MICAL3: variants seen among roughly 807,000 people sequenced by gnomAD.
MICAL3 encodes the protein [F-actin]-monooxygenase MICAL3.
Under a neutral mutation model 207.4 loss-of-function variants are expected in MICAL3, and 62 were observed. The observed-to-expected ratio is 0.30, with a 90% confidence interval of 0.24 to 0.37. The LOEUF is 0.37. Ranked by LOEUF, MICAL3 falls within the 10% of genes least tolerant of loss-of-function variation. The pLI, the probability that MICAL3 is intolerant of heterozygous loss-of-function variation, is 1.00. For synonymous variants in MICAL3, 1,077 were observed against 1,069.3 expected (o/e 1.01, Z -0.14); for missense variants, 2,368 against 2,635.6 (o/e 0.90, Z 2.22).
At chr22:17,920,195 G>A (rs1285968218) in intron 1 of MICAL3, among the ~76,000 whole-genome samples, 1 of 152,246 alleles carries the variant, frequency 6.6e-6, no homozygotes, top group African/African-American at 2.4e-5. Context: ...GAGTGGAATG[G>A]GGGTGGGACA....
intron 1 of MICAL3, among the ~76,000 whole-genome samples, chr22:17,947,280 C>G (rs939282754): frequency 2.0e-5 from 3 of 152,228 alleles, no homozygotes; most frequent in Admixed American, 1.3e-4. Context: ...CAGTGGGCCC[C>G]CCAGCATGGC....
At chr22:17,884,828 G>A (rs192434335) in intron 16 of MICAL3, among the ~76,000 whole-genome samples, 50 of 152,284 alleles carry the variant, frequency 3.3e-4, no homozygotes, top group African/African-American at 1.2e-3. Context: ...GTGAGCCATA[G>A]CATGAAAAGA....
rs747994390 is a variant in MICAL3 at position 17,822,054 on chromosome 22, C to T, written c.3424G>A (p.Ala1142Thr). 2.5e-5 allele frequency: 40 copies of T among 1,613,762 alleles called. No individual in the cohort carries two copies. In the East Asian group the frequency reaches 5.6e-4, roughly 22 times the overall value. ...RVSEDEEKLP[A>T]SPKHQERGPS... ...CCTCTCTCTTGGTGCTTCGGTGAGG[C>T]GGGCAGCTTCTCCTCATCTTCCGAC... Residue 1142 changes from alanine to threonine, a missense_variant, in exon 24 of 32, where the codon GCC (alanine) becomes ACC (threonine). Transcript: ENST00000441493.
At chr22:17,982,790 TAAAATA>T (rs1935986374) in intron 1 of MICAL3, among the ~76,000 whole-genome samples, 2 of 135,102 alleles carry the variant, frequency 1.5e-5, no homozygotes, top group African/African-American at 6.3e-5. Context: ...TAAAATAAAA[TAAAATA>T]AAAAAGTTTT....
intron 1 of MICAL3, among the ~76,000 whole-genome samples, chr22:17,959,515 A>G (rs556022178): frequency 6.6e-6 from 1 of 151,252 alleles, no homozygotes; most frequent in East Asian, 2.0e-4. Context: ...CGGTTTCACC[A>G]TGTTGGCCAG....
intron 1 of MICAL3, among the ~76,000 whole-genome samples, chr22:17,922,000 T>C (rs1932809735): frequency 6.6e-6 from 1 of 152,112 alleles, no homozygotes; most frequent in African/African-American, 2.4e-5. Context: ...CTTTTACGTG[T>C]TCCTCACCTC....
intron 1 of MICAL3, chr22:18,019,554 G>A (rs1296593448): frequency 6.6e-6 from 1 of 152,056 alleles, no homozygotes. Flanking sequence ...AATTAGCTGG[G>A]CATGGTGGCA....
intron 19 of MICAL3, among the ~76,000 whole-genome samples, chr22:17,858,162 G>A (rs563600750): frequency 3.3e-5 from 5 of 152,280 alleles, no homozygotes; most frequent in South Asian, 2.1e-4. Context: ...GTGTTTCTGC[G>A]TACAAGCCTA....
Position 17,866,761 on chromosome 22 carries a change from A to C in MICAL3, c.2429-749T>G, listed in dbSNP as rs181793549. 4.6e-3 allele frequency among the ~76,000 whole-genome samples: 702 copies of C among 152,354 alleles called. 6 individuals carry two copies. Among genetic ancestry groups the C allele is most frequent in the African/African-American group, 0.016 (676 of 41,566 alleles). On this transcript the variant is annotated intron_variant, in intron 17 of 31. Coordinates refer to ENST00000441493, the MANE Select transcript of MICAL3 (RefSeq NM_015241.3). ...AACTTGCAGCTGTGTCTGGGTCTCA[A>C]TGTAACGTGCATCCCCGTGGGGGGT...
rs558907587 is a variant in MICAL3, at chr22:17,929,977, G to GA, written c.-74-23092dup. Reference sequence around the variant, plus strand: ...GAAAAATTCTGTATAAACCAATACGGAAAAAAACAGACACCAAAGGAAAAA... The same window carrying GA: ...GAAAAATTCTGTATAAACCAATACGGAAAAAAAACAGACACCAAAGGAAAAA... On this transcript the variant is annotated intron_variant, in intron 1 of 31. Coordinates refer to ENST00000441493, the MANE Select transcript of MICAL3 (RefSeq NM_015241.3). Among the ~76,000 whole-genome samples, 3 of 152,222 alleles carry GA rather than the reference G, an allele frequency of 2.0e-5. No individual in the cohort carries two copies. The East Asian group carries it at 5.8e-4, about 29-fold the overall frequency.
At chr22:18,005,266 C>A (rs925137682) in intron 1 of MICAL3, 1 of 152,134 alleles carries the variant, frequency 6.6e-6, no homozygotes, top group Non-Finnish European at 1.5e-5. Flanking sequence ...ACATTTATTT[C>A]TATACCTATA....
At chr22:17,881,327 A>T in intron 16 of MICAL3, 1 of 1,571,658 alleles carries the variant, frequency 6.4e-7, no homozygotes, top group Non-Finnish European at 8.7e-7. Flanking sequence ...AGACACAAAC[A>T]GAGAGAACAT....
At chr22:17,871,816 C>G (rs201173739) in intron 17 of MICAL3, 21 bp downstream of exon 17, 2 of 1,581,136 alleles carry the variant, frequency 1.3e-6, no homozygotes, top group South Asian at 2.3e-5. Context: ...TCAGTGGGGC[C>G]GGAGGCGCAG....
At chr22:17,807,457 T>C (rs2062000239) in intron 29 of MICAL3, among the ~76,000 whole-genome samples, 1 of 152,242 alleles carries the variant, frequency 6.6e-6, no homozygotes, top group Non-Finnish European at 1.5e-5. Flanking sequence ...GCCTATCGGA[T>C]GCTAAGTGCT....
At chr22:17,819,800 A>G (rs35570448) in intron 25 of MICAL3, among the ~76,000 whole-genome samples, 49,550 of 151,450 alleles carry the variant, frequency 0.33, 8,483 homozygotes, top group African/African-American at 0.36. Flanking sequence ...AAAATTAGGC[A>G]GGTGTGGTGG....
At chr22:17,876,697 G>GGGTTATGGAGGTTAGGGAGGTTATGGA (rs1928389775) in intron 16 of MICAL3, 5 of 130,492 alleles carry the variant, frequency 3.8e-5, no homozygotes, top group Admixed American at 1.6e-4. Flanking sequence ...TACACATGCA[G>GGGTTATGGAGGTTAGGGAGGTTATGGA]GGTTATGGAG....
chr22:17,899,390 T>C, intron 7 of MICAL3, 58 bp downstream of exon 7: 1 of 1,115,796 alleles, frequency 9.0e-7, no homozygotes. Flanking sequence ...CAATTCTTTC[T>C]CTTGGTGATA....
chr22:17,807,721 G>C (rs944662935), intron 29 of MICAL3, among the ~76,000 whole-genome samples: 8 of 152,222 alleles, frequency 5.3e-5, no homozygotes, highest in African/African-American at 1.7e-4. Flanking sequence ...AATTCATCTT[G>C]ACACCAGGCA....
intron 1 of MICAL3, among the ~76,000 whole-genome samples, chr22:17,989,407 C>T (rs1248447379): frequency 6.6e-6 from 1 of 152,094 alleles, no homozygotes; most frequent in Non-Finnish European, 1.5e-5. Flanking sequence ...GTCTGTCTTG[C>T]CAGCTGCAGC....
Sources: gnomAD v4.1 joint callset for allele counts (sites outside exome capture counted in the v4.1 genomes callset) on GRCh38, gnomAD v4.1.1 for gene constraint, MANE v1.5 for transcripts, NCBI Gene and HGNC (gene_info 2026-07-23, HGNC 2026-07-21) for gene names.